Variants in BCR observed in about 807,000 individuals in gnomAD.
BCR encodes breakpoint cluster region protein.
Under a neutral mutation model 138.6 loss-of-function variants are expected in BCR, and 58 were observed. The ratio of observed to expected loss-of-function variants is 0.42; its 90% confidence interval spans 0.34 to 0.52. The LOEUF (loss-of-function observed/expected upper bound fraction) is 0.52. Ranked by LOEUF, BCR falls within the 20% of genes least tolerant of loss-of-function variation. BCR has a pLI of 0.06. For missense variants in BCR, 1,599 were observed against 1,727.2 expected, an observed-to-expected ratio of 0.93 and a Z score of 1.32; for synonymous variants, 786 against 730.1, an observed-to-expected ratio of 1.08 and a Z score of -1.23.
intron 1 of BCR, among the ~76,000 whole-genome samples, chr22:23,219,755 C>T (rs891424886): frequency 6.6e-6 from 1 of 152,212 alleles, no homozygotes; most frequent in African/African-American, 2.4e-5. Flanking sequence ...AATGTCTCCA[C>T]TTGCCCAGCT....
intron 1 of BCR, among the ~76,000 whole-genome samples, chr22:23,237,181 G>A (rs2073036510): frequency 6.6e-6 from 1 of 152,228 alleles, no homozygotes; most frequent in African/African-American, 2.4e-5. Context: ...ACTTTTCCCA[G>A]GAGGTGCTTT....
At chr22:23,216,067 A>G (rs2072748199) in intron 1 of BCR, among the ~76,000 whole-genome samples, 1 of 152,044 alleles carries the variant, frequency 6.6e-6, no homozygotes, top group South Asian at 2.1e-4. Flanking sequence ...TTTCGGAGGA[A>G]GCTGTGGGCA....
In BCR at chr22:23,212,324, C is replaced by CA. The variant is rs2072695447; in HGVS notation, c.1279+30088dup. 2.6e-5 allele frequency among the ~76,000 whole-genome samples: 4 copies of CA among 152,268 alleles called. No homozygotes were observed. The South Asian group carries it at 8.3e-4, about 32-fold the overall frequency. On this transcript the variant is annotated intron_variant, in intron 1 of 22. Transcript: ENST00000305877. The stretch of plus-strand genomic sequence containing the variant: ...GGGACCCTGAAGGATGGGCTGTGGT[C>CA]AAAGTGGGATCCCTTCACTGTCCAT...
chr22:23,231,337 G>A (rs1025526976), intron 1 of BCR, among the ~76,000 whole-genome samples: 3 of 151,662 alleles, frequency 2.0e-5, no homozygotes, highest in Non-Finnish European at 2.9e-5. Context: ...GTGAGACTCC[G>A]TCTCTATAAA....
At chr22:23,293,022 G>A (rs2073806235) in intron 15 of BCR, among the ~76,000 whole-genome samples, 1 of 152,094 alleles carries the variant, frequency 6.6e-6, no homozygotes. Context: ...GGCTCTGCTG[G>A]TGGGGCTGGG....
intron 1 of BCR, among the ~76,000 whole-genome samples, chr22:23,193,825 G>A (rs2072444571): frequency 6.6e-6 from 1 of 152,242 alleles, no homozygotes. Flanking sequence ...TTAGCTGAGT[G>A]TTGGGAGGTT....
At chr22:23,226,143 T>C (rs2072890577) in intron 1 of BCR, among the ~76,000 whole-genome samples, 1 of 152,244 alleles carries the variant, frequency 6.6e-6, no homozygotes, top group Non-Finnish European at 1.5e-5. Flanking sequence ...ATGATTCATT[T>C]CCTTCAAATG....
chr22:23,269,459 C>T (rs1405518788), intron 5 of BCR, among the ~76,000 whole-genome samples: 1 of 152,214 alleles, frequency 6.6e-6, no homozygotes, highest in African/African-American at 2.4e-5. Context: ...AATGCGGTCA[C>T]CCTTGCTGGG....
chr22:23,247,054 C>T (rs950966022), intron 1 of BCR, among the ~76,000 whole-genome samples: 11 of 152,292 alleles, frequency 7.2e-5, no homozygotes, highest in Admixed American at 1.3e-4. Context: ...CCATGGTTTT[C>T]CAAGCCTCTC....
At chr22:23,217,287 G>T (rs1364683567) in intron 1 of BCR, among the ~76,000 whole-genome samples, 1 of 152,230 alleles carries the variant, frequency 6.6e-6, no homozygotes, top group Non-Finnish European at 1.5e-5. Flanking sequence ...AGATTGCTGG[G>T]GTGTCAGATC....
In BCR at chr22:23,311,735, G is replaced by C. The variant is rs1221797003; in HGVS notation, c.3221G>C (p.Cys1074Ser). 1.2e-6 allele frequency: 2 copies of C among 1,611,388 alleles called. No individual in the cohort carries two copies. Among genetic ancestry groups the C allele is most frequent in the East Asian group, 4.5e-5 (2 of 44,864 alleles). ...RSKVPYIVRQCVEEIERRGME... is the reference protein window; with the variant it reads ...RSKVPYIVRQSVEEIERRGME... ...AAGGTGCCCTACATCGTGCGCCAGT[G>C]CGTGGAGGAGATCGAGCGCCGAGGC... The change falls in exon 19 of 23, where the codon TGC (cysteine) becomes TCC (serine). Residue 1074 changes from cysteine to serine, a missense_variant. Cys to Ser is a moderately radical substitution (Grantham distance 112). This residue lies in a region of BCR where 26 missense variants were observed against 103.5 expected (regional missense o/e 0.25). Transcript: ENST00000305877.
At chr22:23,190,016 T>C (rs969346625) in intron 1 of BCR, among the ~76,000 whole-genome samples, 2 of 152,222 alleles carry the variant, frequency 1.3e-5, no homozygotes, top group Non-Finnish European at 2.9e-5. Flanking sequence ...CTCACACTTC[T>C]GGATGCCAAA....
chr22:23,290,186 A>C (rs2073769259), intron 13 of BCR, 153 bp from the exon 14 acceptor site: 1 of 737,856 alleles, frequency 1.4e-6, no homozygotes, highest in Admixed American at 2.0e-5. Flanking sequence ...CATGATGAGT[A>C]TGTTTTTGGC....
At position 23,314,556 on chromosome 22, in the gene BCR, G is replaced by T. The variant is rs1217327613; in HGVS notation, c.3568G>T (p.Ala1190Ser). The T allele has an allele frequency of 5.6e-6, 9 of 1,611,972 alleles. No homozygotes were observed. The highest frequency in any genetic ancestry group is 7.6e-6 in the Non-Finnish European group (9 of 1,179,830). ...LFLLDHLKRVAEKEAVNKMSL... is the reference protein window; with the variant it reads ...LFLLDHLKRVSEKEAVNKMSL... ...CGCTGCTTTGGTCCTCTACAGGGTG[G>T]CAGAGAAGGAGGCAGTCAATAAGAT... Residue 1190 changes from alanine (A) to serine (S), a missense_variant, in exon 22 of 23, where the codon GCA becomes TCA. Physicochemically the swap from Ala to Ser is moderately conservative, Grantham distance 99. Transcript: ENST00000305877.
chr22:23,182,009 C>G lies in BCR; in HGVS notation c.1049C>G (p.Ser350Cys). 6.2e-7 allele frequency: 1 copy of G among 1,613,078 alleles called. No homozygotes were observed. Among genetic ancestry groups the G allele is most frequent in the Non-Finnish European group, 8.5e-7 (1 of 1,179,522 alleles). ...SSEEDFSSGQSSRVSPSPTTY... is the reference protein window; with the variant it reads ...SSEEDFSSGQCSRVSPSPTTY... ...GAGGAGGACTTCTCCTCTGGCCAGT[C>G]CAGCCGCGTGTCCCCAAGCCCCACC... is the stretch of plus-strand genomic sequence containing the variant. The change falls in exon 1 of 23, where the codon TCC becomes TGC. Residue 350 changes from serine to cysteine, a missense_variant. Physicochemically the swap from Ser to Cys is moderately radical, Grantham distance 112. This residue lies in a region of BCR where 806 missense variants were observed against 635.0 expected (regional missense o/e 1.27). Coordinates refer to ENST00000305877, the MANE Select transcript of BCR (RefSeq NM_004327.4).
rs184770809 is a variant in BCR, at chr22:23,263,758, A to G, written c.1752+2218A>G. On this transcript the variant is annotated intron_variant, in intron 4 of 22. Transcript: ENST00000305877. ...CTGTGTGGATTGCAAAGGGGGCATC[A>G]TATCATTGTGAGTGGCTCCAGGGAC... is the stretch of plus-strand genomic sequence containing the variant. The G allele has an allele frequency of 9.4e-4, 1,348 of 1,428,686 alleles. 7 individuals are homozygous for G. In the African/African-American group the frequency reaches 0.017, roughly 18 times the overall value. 88.5% of individuals were successfully genotyped at this position (1,428,686 alleles called of 1,614,324 possible).
intron 1 of BCR, among the ~76,000 whole-genome samples, chr22:23,209,402 C>T (rs541972655): frequency 1.3e-5 from 2 of 152,102 alleles, no homozygotes; most frequent in Admixed American, 1.3e-4. Context: ...GAATAATATT[C>T]CATTGGTAGA....
intron 14 of BCR, among the ~76,000 whole-genome samples, chr22:23,292,311 C>G (rs897129369): frequency 1.3e-5 from 2 of 152,320 alleles, no homozygotes; most frequent in South Asian, 2.1e-4. Flanking sequence ...TGGGAAGTCC[C>G]GTTTCCCAGC....
At chr22:23,209,359 C>CAAA (rs111327033) in intron 1 of BCR, among the ~76,000 whole-genome samples, 12 of 149,226 alleles carry the variant, frequency 8.0e-5, no homozygotes, top group African/African-American at 2.7e-4. Context: ...GACTCTGTCT[C>CAAA]AAAAAAAAAG....
Sources: allele counts gnomAD v4.1 joint callset (sites outside exome capture counted in the v4.1 genomes callset), GRCh38; gene constraint gnomAD v4.1.1; regional missense constraint gnomAD v4.1.1; transcripts MANE v1.5; gene names NCBI Gene and HGNC (gene_info 2026-07-23, HGNC 2026-07-21).